MBD5: variants seen among roughly 807,000 people sequenced by gnomAD.
MBD5 encodes the protein methyl-CpG-binding domain protein 5.
In MBD5, 13 loss-of-function variants were observed where a neutral mutation model predicts 117.3. The ratio of observed to expected loss-of-function variants is 0.11; its 90% confidence interval spans 0.07 to 0.18. The LOEUF (loss-of-function observed/expected upper bound fraction) is 0.18, where lower values mean the gene tolerates loss of function less well. Among genes scored for constraint, MBD5 ranks in the 10% least tolerant of loss-of-function variants. The probability of loss-of-function intolerance (pLI) is 1.00; values close to 1 mark genes in which losing one functional copy is unlikely to be tolerated. For missense variants in MBD5, 1,879 were observed against 2,093.8 expected (o/e 0.90, Z 2.00); for synonymous variants, 727 against 766.4 (o/e 0.95, Z 0.85).
intron 4 of MBD5, among the ~76,000 whole-genome samples, chr2:148,436,706 T>A (rs556150211): frequency 7.8e-4 from 118 of 152,186 alleles, no homozygotes; most frequent in African/African-American, 2.8e-3. Flanking sequence ...ATGATGGAAT[T>A]GAAAGGACCA....
intron 3 of MBD5, among the ~76,000 whole-genome samples, chr2:148,273,758 A>C (rs1416160030): frequency 1.3e-5 from 2 of 152,118 alleles, no homozygotes; most frequent in African/African-American, 4.8e-5. Context: ...TGATAATTAA[A>C]CTCTGTCTTT....
chr2:148,179,035 C>T lies in MBD5; in HGVS notation c.-831+242C>T, dbSNP rs539336581. 1.1e-4 allele frequency among the ~76,000 whole-genome samples: 17 copies of T among 152,170 alleles called. No homozygotes were observed. In the South Asian group the frequency reaches 2.1e-3, roughly 19 times the overall value. Reference sequence around the variant, plus strand: ...AATAATAAATTGTAATACACAAGTGCAAACCAGTTAAGAATAAAGAATAAA... The same window carrying T: ...AATAATAAATTGTAATACACAAGTGTAAACCAGTTAAGAATAAAGAATAAA... On this transcript the variant is annotated intron_variant, in intron 2 of 13. Coordinates refer to ENST00000642680, the MANE Select transcript of MBD5 (RefSeq NM_001378120.1).
Position 148,203,241 on chromosome 2 carries a change from G to A in MBD5, c.-831+24448G>A, listed in dbSNP as rs966540854. On this transcript the variant is annotated intron_variant, in intron 2 of 13. Coordinates refer to ENST00000642680, the MANE Select transcript of MBD5 (RefSeq NM_001378120.1). Reference sequence around the variant, plus strand: ...AAGGAAACCTGGGAACTAATATTTGGTACATGCAACAAAGAAGATGCTGAT... The same window carrying A: ...AAGGAAACCTGGGAACTAATATTTGATACATGCAACAAAGAAGATGCTGAT... Among the ~76,000 whole-genome samples, 4 of 152,172 alleles carry A rather than the reference G, an allele frequency of 2.6e-5. No individual in the cohort carries two copies. In the East Asian group the frequency reaches 5.8e-4, roughly 22 times the overall value.
intron 3 of MBD5, among the ~76,000 whole-genome samples, chr2:148,327,367 A>T (rs1702485035): frequency 6.6e-6 from 1 of 151,954 alleles, no homozygotes; most frequent in Non-Finnish European, 1.5e-5. Context: ...GTATTTCCTG[A>T]ATCTGAATGT....
chr2:148,371,420 T>C (rs1316953203), intron 4 of MBD5, among the ~76,000 whole-genome samples: 2 of 152,124 alleles, frequency 1.3e-5, no homozygotes, highest in Non-Finnish European at 2.9e-5. Flanking sequence ...ATTCTTATTG[T>C]AACATATTAA....
intron 2 of MBD5, among the ~76,000 whole-genome samples, chr2:148,210,855 T>C (rs1216589979): frequency 6.6e-6 from 1 of 152,176 alleles, no homozygotes; most frequent in African/African-American, 2.4e-5. Flanking sequence ...CAGTTGTATC[T>C]AGTTTTGATT....
intron 2 of MBD5, among the ~76,000 whole-genome samples, chr2:148,186,948 A>G (rs1698675814): frequency 1.3e-5 from 2 of 152,248 alleles, no homozygotes; most frequent in Non-Finnish European, 1.5e-5. Context: ...CTTAGAAAAT[A>G]TATTTTTTAG....
chr2:148,150,564 G>A (rs1370167232), intron 1 of MBD5, among the ~76,000 whole-genome samples: 1 of 151,982 alleles, frequency 6.6e-6, no homozygotes, highest in Admixed American at 6.6e-5. Flanking sequence ...TGATTCTTCT[G>A]ACCCATGAGC....
chr2:148,510,429 C>T (rs569855568), intron 13 of MBD5, among the ~76,000 whole-genome samples: 1 of 152,224 alleles, frequency 6.6e-6, no homozygotes, highest in Non-Finnish European at 1.5e-5. Context: ...CTGCACTTGA[C>T]TCTGTGAATG....
intron 4 of MBD5, among the ~76,000 whole-genome samples, chr2:148,359,643 T>TA (rs1247656466): frequency 6.6e-6 from 1 of 152,074 alleles, no homozygotes; most frequent in African/African-American, 2.4e-5. Context: ...TTAGTGCCAT[T>TA]AAAAAAATAC....
intron 1 of MBD5, among the ~76,000 whole-genome samples, chr2:148,030,128 A>G (rs1693999104): frequency 6.6e-6 from 1 of 152,000 alleles, no homozygotes; most frequent in South Asian, 2.1e-4. Flanking sequence ...AAAATTAGCC[A>G]GGCTTGGTGG....
At chr2:148,329,342 T>C (rs1702570400) in intron 3 of MBD5, among the ~76,000 whole-genome samples, 1 of 152,214 alleles carries the variant, frequency 6.6e-6, no homozygotes, top group African/African-American at 2.4e-5. Flanking sequence ...AAACAAATGC[T>C]TTTTTAAAGG....
At chr2:148,274,304 C>T (rs1046707674) in intron 3 of MBD5, among the ~76,000 whole-genome samples, 2 of 152,016 alleles carry the variant, frequency 1.3e-5, no homozygotes, top group Non-Finnish European at 2.9e-5. Context: ...TAGGTATAGA[C>T]GTGCCATGGT....
intron 4 of MBD5, among the ~76,000 whole-genome samples, chr2:148,358,036 T>TTCAGCA (rs1703430895): frequency 6.6e-6 from 1 of 152,216 alleles, no homozygotes; most frequent in African/African-American, 2.4e-5. Flanking sequence ...TCTGTTTTCC[T>TTCAGCA]GCTCACATTA....
intron 3 of MBD5, among the ~76,000 whole-genome samples, chr2:148,243,328 AATT>A (rs1168341524): frequency 7.4e-6 from 1 of 135,716 alleles, no homozygotes; most frequent in East Asian, 2.1e-4. Context: ...AATATAGAAA[AATT>A]ATTGTTATAC....
chr2:148,107,154 A>T (rs755147439), intron 1 of MBD5, among the ~76,000 whole-genome samples: 1 of 152,046 alleles, frequency 6.6e-6, no homozygotes, highest in Non-Finnish European at 1.5e-5. Context: ...TGTGATTCTT[A>T]GAAGTTATTT....
rs1217079451 is a variant in MBD5 at position 148,516,858 on chromosome 2, A to T, written c.*3917A>T. The T allele has an allele frequency of 6.6e-6, 1 of 152,244 alleles. No individual in the cohort carries two copies. Among genetic ancestry groups the T allele is most frequent in the Non-Finnish European group, 1.5e-5 (1 of 68,044 alleles). The allele number at this position is 152,244 out of a possible 1,614,324, so 9.4% of individuals were successfully genotyped here. On this transcript the variant is annotated 3_prime_UTR_variant, in exon 14 of 14. Transcript: ENST00000642680. Reference sequence around the variant, plus strand: ...ATTTAATAATTTGTTATGTAAATACAAAGTTGTCTATAAATTGGAAAATTT... The same window carrying T: ...ATTTAATAATTTGTTATGTAAATACTAAGTTGTCTATAAATTGGAAAATTT...
chr2:148,257,183 A>G (rs1049975123), intron 3 of MBD5, among the ~76,000 whole-genome samples: 1 of 152,150 alleles, frequency 6.6e-6, no homozygotes, highest in African/African-American at 2.4e-5. Flanking sequence ...AAACAAAACC[A>G]TCTGTGTTCA....
chr2:148,154,679 G>A (rs1329015051), intron 1 of MBD5, among the ~76,000 whole-genome samples: 1 of 152,140 alleles, frequency 6.6e-6, no homozygotes, highest in Non-Finnish European at 1.5e-5. Context: ...TAATCGGGTG[G>A]GAGTGACCCG....
Sources: gnomAD v4.1 joint callset for allele counts (sites outside exome capture counted in the v4.1 genomes callset) on GRCh38, gnomAD v4.1.1 for gene constraint, MANE v1.5 for transcripts, NCBI Gene and HGNC (gene_info 2026-07-23, HGNC 2026-07-21) for gene names.